Variants in MAST4 observed in about 807,000 individuals in gnomAD.
MAST4 encodes microtubule associated serine/threonine kinase family member 4, also known as microtubule-associated serine/threonine-protein kinase 4.
In MAST4, 89 loss-of-function variants were observed where a neutral mutation model predicts 162.7. That is an observed-to-expected ratio of 0.55 (90% CI 0.46 to 0.65). The LOEUF is 0.65. MAST4 is among the 30% of genes least tolerant of loss of function. The pLI, the probability that MAST4 is intolerant of heterozygous loss-of-function variation, is 0.00. For synonymous variants in MAST4, 1,479 were observed against 1,361.1 expected (o/e 1.09, Z -1.91); for missense variants, 3,153 against 3,374.0 (o/e 0.93, Z 1.62).
At chr5:66,616,274 C>T (rs1001957190) in intron 1 of MAST4, among the ~76,000 whole-genome samples, 6 of 152,158 alleles carry the variant, frequency 3.9e-5, no homozygotes, top group African/African-American at 1.4e-4. Flanking sequence ...CGTGTGACCA[C>T]CCCCTACCTC....
chr5:67,062,946 C>T (rs1759806993), intron 5 of MAST4, among the ~76,000 whole-genome samples: 1 of 152,074 alleles, frequency 6.6e-6, no homozygotes, highest in Non-Finnish European at 1.5e-5. Context: ...AAACTTTATC[C>T]AGGTGATTCC....
intron 1 of MAST4, among the ~76,000 whole-genome samples, chr5:66,669,962 A>C (rs1370273772): frequency 6.6e-6 from 1 of 152,216 alleles, no homozygotes; most frequent in Non-Finnish European, 1.5e-5. Context: ...TCTGTCTGGC[A>C]TTCAGGTAGT....
chr5:66,974,346 C>G (rs773307660), intron 4 of MAST4, among the ~76,000 whole-genome samples: 1 of 152,170 alleles, frequency 6.6e-6, no homozygotes, highest in Non-Finnish European at 1.5e-5. Flanking sequence ...AATGAATGAA[C>G]GAATTCATCC....
chr5:66,674,465 G>T (rs1747822814), intron 1 of MAST4, among the ~76,000 whole-genome samples: 1 of 152,178 alleles, frequency 6.6e-6, no homozygotes, highest in African/African-American at 2.4e-5. Flanking sequence ...GTTTGTTTTT[G>T]TATTCTTGTT....
chr5:66,795,196 A>C (rs966473233), intron 3 of MAST4, among the ~76,000 whole-genome samples: 11 of 152,330 alleles, frequency 7.2e-5, no homozygotes, highest in African/African-American at 2.4e-4. Context: ...TTGCTTAACC[A>C]AAGTTGTAGA....
At chr5:66,976,856 A>G (rs748524041) in intron 4 of MAST4, among the ~76,000 whole-genome samples, 1 of 150,076 alleles carries the variant, frequency 6.7e-6, no homozygotes, top group Non-Finnish European at 1.5e-5. Context: ...AATATGGATA[A>G]CTAAGTACCC....
At chr5:66,793,047 T>A (rs1393968191) in intron 3 of MAST4, among the ~76,000 whole-genome samples, 1 of 152,098 alleles carries the variant, frequency 6.6e-6, no homozygotes, top group African/African-American at 2.4e-5. Flanking sequence ...GGCCCTGAGG[T>A]TTGGTAGGTA....
At chr5:66,668,145 G>C (rs1747377566) in intron 1 of MAST4, among the ~76,000 whole-genome samples, 2 of 152,182 alleles carry the variant, frequency 1.3e-5, no homozygotes, top group African/African-American at 4.8e-5. Context: ...AACTGGAAAT[G>C]TAAAGAAATA....
chr5:66,889,323 T>C (rs39862), intron 3 of MAST4, among the ~76,000 whole-genome samples: 44,148 of 151,998 alleles, frequency 0.29, 6,697 homozygotes, highest in East Asian at 0.53. Flanking sequence ...GATACGCATA[T>C]TTATCAAGAG....
At chr5:67,069,928 A>G (rs964970342) in intron 5 of MAST4, among the ~76,000 whole-genome samples, 4 of 129,746 alleles carry the variant, frequency 3.1e-5, no homozygotes, top group Non-Finnish European at 4.9e-5. Context: ...GTTCCTCAGC[A>G]AAAGAACATG....
intron 4 of MAST4, among the ~76,000 whole-genome samples, chr5:66,977,302 G>A (rs1400200830): frequency 6.6e-6 from 1 of 151,000 alleles, no homozygotes; most frequent in Non-Finnish European, 1.5e-5. Flanking sequence ...GTTTCTCCAT[G>A]TTTGTCAGGC....
intron 5 of MAST4, among the ~76,000 whole-genome samples, chr5:67,059,689 G>A (rs1193834209): frequency 6.6e-6 from 1 of 152,146 alleles, no homozygotes; most frequent in African/African-American, 2.4e-5. Flanking sequence ...TGGCTACTTT[G>A]ATGTATTTTT....
intron 22 of MAST4, 56 bp downstream of exon 22, chr5:67,144,852 T>A: frequency 6.5e-7 from 1 of 1,539,224 alleles, no homozygotes; most frequent in Non-Finnish European, 8.8e-7. Flanking sequence ...CAGAGTTTCT[T>A]AAACTTTAGT....
intron 14 of MAST4, among the ~76,000 whole-genome samples, chr5:67,127,089 C>CACAG: frequency 6.6e-6 from 1 of 152,146 alleles, no homozygotes; most frequent in Non-Finnish European, 1.5e-5. Context: ...GTTTTATGTC[C>CACAG]TGAGACTTTG....
intron 1 of MAST4, among the ~76,000 whole-genome samples, chr5:66,712,630 G>A (rs1472716572): frequency 6.6e-6 from 1 of 152,114 alleles, no homozygotes; most frequent in Non-Finnish European, 1.5e-5. Context: ...CTTTGACTCA[G>A]TTTCCCTCTT....
chr5:66,818,364 G>C (rs1273534389), intron 3 of MAST4, among the ~76,000 whole-genome samples: 1 of 151,946 alleles, frequency 6.6e-6, no homozygotes, highest in Non-Finnish European at 1.5e-5. Context: ...GAATCACATG[G>C]TATTTTGAGT....
rs985448818 is a variant in MAST4 at position 67,149,601 on chromosome 5, C to T, written c.3295+12C>T. 1.9e-6 allele frequency: 3 copies of T among 1,611,630 alleles called. No homozygotes were observed. In the East Asian group the frequency reaches 6.7e-5, roughly 36 times the overall value. ...CATGATCCCAGGAGGTAGAGAGATA[C>T]TACTTGCATGAAATTGTGTGATTTG... On this transcript the variant is annotated intron_variant, in intron 24 of 28. Coordinates refer to ENST00000403625, the MANE Select transcript of MAST4 (RefSeq NM_001164664.2).
At chr5:66,916,226 G>C (rs1453564298) in intron 4 of MAST4, among the ~76,000 whole-genome samples, 1 of 152,176 alleles carries the variant, frequency 6.6e-6, no homozygotes, top group Non-Finnish European at 1.5e-5. Flanking sequence ...GCTCTGAATT[G>C]TATTTCTGGT....
intron 4 of MAST4, chr5:66,917,245 T>A (rs1421714868): frequency 1.7e-5 from 8 of 477,966 alleles, no homozygotes; most frequent in Non-Finnish European, 2.6e-5. Flanking sequence ...ACATTTCTCT[T>A]TTCTTCACTT....
Sources: gnomAD v4.1 joint callset for allele counts (sites outside exome capture counted in the v4.1 genomes callset) on GRCh38, gnomAD v4.1.1 for gene constraint, MANE v1.5 for transcripts, NCBI Gene and HGNC (gene_info 2026-07-23, HGNC 2026-07-21) for gene names.